Variants in CFAP47 observed in about 807,000 individuals in gnomAD.
CFAP47 encodes cilia- and flagella-associated protein 47.
Under a neutral mutation model 148.1 loss-of-function variants are expected in CFAP47, and 29 were observed. The ratio of observed to expected loss-of-function variants is 0.20; its 90% CI spans 0.15 to 0.27. The LOEUF (loss-of-function observed/expected upper bound fraction) is 0.27. CFAP47 is among the 10% of genes least tolerant of loss of function. The pLI is 1.00. For missense variants in CFAP47, 1,872 were observed against 1,697.5 expected, an observed-to-expected ratio of 1.10 and a Z score of -1.81; for synonymous variants, 664 against 577.3, an observed-to-expected ratio of 1.15 and a Z score of -2.15.
intron 57 of CFAP47, among the ~76,000 whole-genome samples, chrX:36,342,146 C>G (rs1258915824): frequency 9.0e-6 from 1 of 111,568 alleles, no homozygotes; most frequent in Non-Finnish European, 1.9e-5. Flanking sequence ...TCCTGGTAAA[C>G]ACATATGAAG....
intron 50 of CFAP47, among the ~76,000 whole-genome samples, chrX:36,284,761 A>G (rs1395766934): frequency 9.0e-6 from 1 of 111,664 alleles, no homozygotes; most frequent in Non-Finnish European, 1.9e-5. Flanking sequence ...TAAATAAGTT[A>G]ATCTAGCATA....
rs781791224 is a variant in CFAP47 at position 36,360,952 on chromosome X, T to A, written c.8852-378T>A. ...AAGTTTTAAATGACTTCTTCATAAG[T>A]TTTAAGTCTATAGGTTTTTAATACA... On this transcript the variant is annotated intron_variant, in intron 60 of 63. Transcript: ENST00000378653. Among the ~76,000 whole-genome samples, 14 of 112,035 alleles carry A rather than the reference T, an allele frequency of 1.2e-4. No homozygotes were observed. The South Asian group carries it at 5.2e-3, about 42-fold the overall frequency.
intron 1 of CFAP47, among the ~76,000 whole-genome samples, chrX:35,921,342 A>G (rs1316200125): frequency 8.9e-6 from 1 of 112,220 alleles, no homozygotes; most frequent in African/African-American, 3.2e-5. Flanking sequence ...GAGACTATTA[A>G]CTCCTCTTTA....
chrX:36,139,818 T>A (rs1244396400), intron 35 of CFAP47, among the ~76,000 whole-genome samples: 1 of 111,958 alleles, frequency 8.9e-6, no homozygotes, highest in Admixed American at 9.5e-5. Context: ...AATTGCTCAC[T>A]TTTTTCTTTG....
chrX:36,152,116 C>CT (rs369093676), intron 37 of CFAP47, among the ~76,000 whole-genome samples: 11,153 of 107,997 alleles, frequency 0.1, 1,202 homozygotes, highest in African/African-American at 0.31. Flanking sequence ...TTTCTTCTCT[C>CT]TTTTTTTTTA....
At chrX:36,070,829 G>A (rs947240050) in intron 27 of CFAP47, among the ~76,000 whole-genome samples, 2 of 111,850 alleles carry the variant, frequency 1.8e-5, no homozygotes, top group Admixed American at 1.9e-4. Flanking sequence ...CTACCAGTGT[G>A]CCATGTCAAT....
chrX:36,220,434 A>T (rs965538677), intron 45 of CFAP47, among the ~76,000 whole-genome samples: 15 of 110,478 alleles, frequency 1.4e-4, no homozygotes, highest in Non-Finnish European at 2.6e-4. Context: ...TATATATGTT[A>T]TATATATATT....
intron 27 of CFAP47, among the ~76,000 whole-genome samples, chrX:36,070,496 CTTTTTTT>C (rs34621358): frequency 0.015 from 1,412 of 91,176 alleles, 23 homozygotes; most frequent in African/African-American, 0.052. Context: ...TTTTCTTTTC[CTTTTTTT>C]TTTTTTTTTT....
At chrX:35,926,259 A>G (rs1935739552) in intron 2 of CFAP47, 91 bp downstream of exon 2, 3 of 735,584 alleles carry the variant, frequency 4.1e-6, no homozygotes, top group Non-Finnish European at 5.7e-6. Flanking sequence ...TTTCTGACAT[A>G]GTTTCCTGAC....
intron 22 of CFAP47, among the ~76,000 whole-genome samples, chrX:36,026,882 A>AGGG (rs1937223003): frequency 9.1e-6 from 1 of 109,774 alleles, no homozygotes; most frequent in Non-Finnish European, 1.9e-5. Context: ...TGAATATATA[A>AGGG]TTTTGTATTC....
At position 36,038,987 on chromosome X, in the gene CFAP47, G is replaced by A. The variant is rs1017462546; in HGVS notation, c.3815G>A (p.Arg1272His). Residue 1272 changes from arginine (R) to histidine (H), a missense_variant, in exon 25 of 64, where the codon CGT (arginine) becomes CAT (histidine). Transcript: ENST00000378653. ...CTTAAAATTTGTTTTTCATTAGATC[G>A]TCCTGGGACATACACAGCAGATATT... ...YNVSISFCPN[R>H]PGTYTADIPM... 2.8e-5 allele frequency: 30 copies of A among 1,053,903 alleles called. No homozygotes were observed. Among genetic ancestry groups the A allele is most frequent in the South Asian group, 2.0e-4 (8 of 39,830 alleles). The allele number at this position is 1,053,903 out of a possible 1,213,427, so 86.9% of individuals were successfully genotyped here.
chrX:36,383,207 G>A (rs1326852820), intron 63 of CFAP47, among the ~76,000 whole-genome samples: 1 of 111,722 alleles, frequency 9.0e-6, no homozygotes, highest in Non-Finnish European at 1.9e-5. Context: ...ATGTAATTGG[G>A]ACTTTAAAAC....
chrX:36,179,558 A>T, intron 40 of CFAP47, 136 bp downstream of exon 40: 1 of 262,315 alleles, frequency 3.8e-6, no homozygotes, highest in Non-Finnish European at 6.8e-6. Context: ...TCACACTCAT[A>T]TCCAAATATA....
At chrX:36,034,994 C>A (rs775025152) in intron 23 of CFAP47, among the ~76,000 whole-genome samples, 1 of 109,968 alleles carries the variant, frequency 9.1e-6, no homozygotes. Flanking sequence ...ATATATATAT[C>A]CATACATCCA....
chrX:36,361,397 G>A lies in CFAP47; in HGVS notation c.8919G>A (p.Leu2973=). The A allele has an allele frequency of 9.0e-7, 1 of 1,108,480 alleles. No individual in the cohort carries two copies. Among genetic ancestry groups the A allele is most frequent in the South Asian group, 2.1e-5 (1 of 48,215 alleles). 91.4% of individuals were successfully genotyped at this position (1,108,480 alleles called of 1,213,427 possible). The change falls in exon 61 of 64, where the codon TTG becomes TTA. Residue 2973 remains leucine (L), a synonymous_variant. Coordinates refer to ENST00000378653, the MANE Select transcript of CFAP47 (RefSeq NM_001304548.2). The stretch of plus-strand genomic sequence containing the variant: ...AATCTGAAGCTATGAAGTCTAAGTT[G>A]GAATCCTGTGTAGCTTTATATATGA... ...QFESEAMKSK[L]ESCVALYMIE...
intron 49 of CFAP47, 81 bp downstream of exon 49, chrX:36,251,525 T>C (rs1221532658): frequency 7.7e-6 from 3 of 388,258 alleles, no homozygotes; most frequent in Non-Finnish European, 1.3e-5. Flanking sequence ...AGAAATGCAA[T>C]TTGTATTTCC....
chrX:36,152,927 G>A (rs960746359), intron 37 of CFAP47, among the ~76,000 whole-genome samples: 3 of 110,956 alleles, frequency 2.7e-5, no homozygotes, highest in African/African-American at 9.9e-5. Context: ...TGTAGCCCCA[G>A]AATTTATGTC....
rs1281523838 is a variant in CFAP47, at chrX:35,957,138, G to T, written c.1410+942G>T. On this transcript the variant is annotated intron_variant, in intron 8 of 63. Coordinates refer to ENST00000378653, the MANE Select transcript of CFAP47 (RefSeq NM_001304548.2). ...GCAGGAGAATCGCTTGAACCCAGGA[G>T]GCAGAGGTTGCAGTGAGCCGAGATC... Among the ~76,000 whole-genome samples, 4 of 104,319 alleles carry T rather than the reference G, an allele frequency of 3.8e-5. No individual in the cohort carries two copies. The East Asian group carries it at 1.2e-3, about 32-fold the overall frequency. The allele number at this position is 104,319 out of a possible 115,157, so 90.6% of individuals were successfully genotyped here.
intron 48 of CFAP47, among the ~76,000 whole-genome samples, chrX:36,250,325 G>A (rs2146922242): frequency 9.0e-6 from 1 of 111,125 alleles, no homozygotes; most frequent in South Asian, 3.7e-4. Flanking sequence ...AGCAAATATT[G>A]CATGATCTCA....
Sources: gnomAD v4.1 joint callset for allele counts (sites outside exome capture counted in the v4.1 genomes callset) on GRCh38, gnomAD v4.1.1 for gene constraint, MANE v1.5 for transcripts, NCBI Gene and HGNC (gene_info 2026-07-23, HGNC 2026-07-21) for gene names.